ADAMTS20: variants seen among roughly 807,000 people sequenced by gnomAD.
ADAMTS20 encodes ADAM metallopeptidase with thrombospondin type 1 motif 20.
A neutral mutation model predicts 260.1 loss-of-function variants in ADAMTS20; 225 were observed. The ratio of observed to expected loss-of-function variants is 0.87; its 90% CI spans 0.78 to 0.97. The LOEUF is 0.97. Among genes scored for constraint, ADAMTS20 ranks in the 50% least tolerant of loss-of-function variants. ADAMTS20 has a pLI of 0.00. For missense variants in ADAMTS20, 2,400 were observed against 2,337.7 expected (o/e 1.03, Z -0.55); for synonymous variants, 802 against 769.5 (o/e 1.04, Z -0.70).
chr12:43,529,633 A>G (rs2137499523), intron 3 of ADAMTS20, among the ~76,000 whole-genome samples: 1 of 152,240 alleles, frequency 6.6e-6, no homozygotes, highest in African/African-American at 2.4e-5. Context: ...GAGTGATATA[A>G]TGGACTTTGG....
At chr12:43,402,547 AAC>A (rs1296462827) in intron 28 of ADAMTS20, among the ~76,000 whole-genome samples, 2 of 152,046 alleles carry the variant, frequency 1.3e-5, no homozygotes, top group Admixed American at 6.6e-5. Flanking sequence ...ATGTTATGCA[AAC>A]AGTTATGTTT....
intron 37 of ADAMTS20, among the ~76,000 whole-genome samples, chr12:43,361,899 C>T (rs891816323): frequency 6.6e-5 from 10 of 152,088 alleles, no homozygotes; most frequent in Non-Finnish European, 1.3e-4. Flanking sequence ...ATATGCGTCT[C>T]CTGTGATTTT....
intron 28 of ADAMTS20, among the ~76,000 whole-genome samples, chr12:43,406,389 T>C (rs1940920214): frequency 6.6e-6 from 1 of 152,120 alleles, no homozygotes; most frequent in South Asian, 2.1e-4. Flanking sequence ...AAACATATTA[T>C]AGCTATTTTG....
intron 28 of ADAMTS20, among the ~76,000 whole-genome samples, chr12:43,402,543 T>C (rs192691709): frequency 3.9e-5 from 6 of 152,174 alleles, no homozygotes; most frequent in East Asian, 3.9e-4. Context: ...GGACATGTTA[T>C]GCAAACAGTT....
chr12:43,356,953 TCAC>T (rs1939759660), intron 37 of ADAMTS20, among the ~76,000 whole-genome samples: 2 of 152,200 alleles, frequency 1.3e-5, no homozygotes, highest in South Asian at 4.1e-4. Context: ...ACTTCTTAAC[TCAC>T]CACACAAAAC....
Position 43,439,603 on chromosome 12 carries a change from T to C in ADAMTS20, c.2593+19A>G. The C allele has an allele frequency of 6.3e-7, 1 of 1,591,064 alleles. No homozygotes were observed. The highest frequency in any genetic ancestry group is 1.2e-5 in the South Asian group (1 of 85,844). The stretch of plus-strand genomic sequence containing the variant: ...GAATGCACAGTCAGTCTTTTCTCCC[T>C]TATTGAATGCCAGCGTACCTTGACA... On this transcript the variant is annotated intron_variant, in intron 18 of 38. Coordinates refer to ENST00000389420, the MANE Select transcript of ADAMTS20 (RefSeq NM_025003.5).
intron 11 of ADAMTS20, among the ~76,000 whole-genome samples, chr12:43,462,064 A>C (rs1431118553): frequency 2.0e-5 from 3 of 152,232 alleles, no homozygotes; most frequent in Non-Finnish European, 4.4e-5. Context: ...AGAGAAAAGC[A>C]ATAGCTATTA....
At chr12:43,380,281 G>A (rs1392154747) in intron 31 of ADAMTS20, among the ~76,000 whole-genome samples, 1 of 152,056 alleles carries the variant, frequency 6.6e-6, no homozygotes, top group Non-Finnish European at 1.5e-5. Flanking sequence ...GACTAGAAGG[G>A]TACTTCTTCA....
At chr12:43,390,670 T>G (rs936517456) in intron 29 of ADAMTS20, among the ~76,000 whole-genome samples, 1 of 152,222 alleles carries the variant, frequency 6.6e-6, no homozygotes, top group Non-Finnish European at 1.5e-5. Flanking sequence ...AAGCATGGAC[T>G]TTCCTACACT....
intron 11 of ADAMTS20, 111 bp downstream of exon 11, chr12:43,462,784 G>T: frequency 3.9e-6 from 3 of 763,328 alleles, no homozygotes; most frequent in South Asian, 3.7e-5. Context: ...ACATTAATTC[G>T]ACTAGCTGAA....
At chr12:43,460,876 G>T (rs541102063) in intron 11 of ADAMTS20, among the ~76,000 whole-genome samples, 4 of 135,794 alleles carry the variant, frequency 2.9e-5, no homozygotes, top group African/African-American at 1.1e-4. Context: ...ACAAGAACAA[G>T]AAAAAAACGA....
intron 11 of ADAMTS20, among the ~76,000 whole-genome samples, chr12:43,457,913 G>A (rs752032432): frequency 2.0e-5 from 3 of 152,132 alleles, no homozygotes; most frequent in Non-Finnish European, 4.4e-5. Flanking sequence ...ATTTTACTTT[G>A]AGTAAATATG....
chr12:43,363,330 C>G (rs1939914919), intron 37 of ADAMTS20, among the ~76,000 whole-genome samples: 1 of 152,196 alleles, frequency 6.6e-6, no homozygotes, highest in Non-Finnish European at 1.5e-5. Context: ...AGCTGAGAGT[C>G]TGAAGCTCCC....
intron 2 of ADAMTS20, among the ~76,000 whole-genome samples, chr12:43,540,930 A>T (rs753477770): frequency 1.3e-5 from 2 of 152,164 alleles, no homozygotes; most frequent in South Asian, 2.1e-4. Context: ...TGTTTAGAAG[A>T]TTCTATAAAA....
At chr12:43,352,918 C>G (rs1053125814), downstream of ADAMTS20, among the ~76,000 whole-genome samples, 16 of 152,268 alleles carry the variant, frequency 1.1e-4, no homozygotes, top group East Asian at 1.5e-3. Flanking sequence ...ATACAGACAT[C>G]TTCAAATGTT....
At chr12:43,409,624 A>AAAAAAAAAAAAAAAAAAAC (rs1565684968) in intron 28 of ADAMTS20, among the ~76,000 whole-genome samples, 4 of 140,502 alleles carry the variant, frequency 2.8e-5, no homozygotes, top group African/African-American at 1.0e-4. Flanking sequence ...AAAAAAAAAA[A>AAAAAAAAAAAAAAAAAAAC]AAAAAACAAG....
intron 37 of ADAMTS20, among the ~76,000 whole-genome samples, chr12:43,359,010 T>A (rs1406857208): frequency 6.6e-6 from 1 of 152,128 alleles, no homozygotes; most frequent in Non-Finnish European, 1.5e-5. Context: ...AATCTTTAAC[T>A]TAAAAATTAG....
chr12:43,373,904 C>T (rs1165523572), intron 36 of ADAMTS20, among the ~76,000 whole-genome samples: 1 of 151,736 alleles, frequency 6.6e-6, no homozygotes, highest in Non-Finnish European at 1.5e-5. Context: ...TGGTCTCGAT[C>T]TCCTGACCTC....
intron 2 of ADAMTS20, among the ~76,000 whole-genome samples, chr12:43,550,668 GA>G (rs1191174903): frequency 1.3e-5 from 2 of 152,306 alleles, no homozygotes; most frequent in East Asian, 3.9e-4. Context: ...CAGGGATGAT[GA>G]AAGAGCATCT....
Sources: gnomAD v4.1 joint callset for allele counts (sites outside exome capture counted in the v4.1 genomes callset) on GRCh38, gnomAD v4.1.1 for gene constraint, MANE v1.5 for transcripts, NCBI Gene and HGNC (gene_info 2026-07-23, HGNC 2026-07-21) for gene names.